The following GSPT1 variants were observed in gnomAD, a reference collection of about 807,000 sequenced individuals.
GSPT1 encodes the protein G1 to S phase transition 1, also known as eukaryotic peptide chain release factor GTP-binding subunit ERF3A.
GSPT1 carries 20 observed loss-of-function variants against 72.5 expected under a neutral mutation model. The observed-to-expected ratio is 0.28, with a 90% confidence interval of 0.19 to 0.40. The LOEUF (loss-of-function observed/expected upper bound fraction) is 0.40. Ranked by LOEUF, GSPT1 falls within the 10% of genes least tolerant of loss-of-function variation. GSPT1 has a pLI of 1.00. For missense variants in GSPT1, 580 were observed against 811.9 expected, an observed-to-expected ratio of 0.71 and a Z score of 3.47; for synonymous variants, 334 against 293.5, an observed-to-expected ratio of 1.14 and a Z score of -1.41.
At chr16:11,882,945 A>C (rs1278100608) in intron 11 of GSPT1, 70 bp downstream of exon 11, 23 of 942,040 alleles carry the variant, frequency 2.4e-5, no homozygotes, top group South Asian at 2.1e-4. Context: ...TGACAGAAGA[A>C]GACCCTATCT....
chr16:11,893,448 C>T (rs2054295200), intron 5 of GSPT1, among the ~76,000 whole-genome samples: 1 of 151,326 alleles, frequency 6.6e-6, no homozygotes. Flanking sequence ...AATAAAATAA[C>T]AAGTAAATGT....
At chr16:11,903,051 G>A (rs1263974472) in intron 1 of GSPT1, among the ~76,000 whole-genome samples, 1 of 151,746 alleles carries the variant, frequency 6.6e-6, no homozygotes. Context: ...AAGGAAACCC[G>A]TATTCATTTA....
chr16:11,895,882 C>A (rs1035538726), intron 4 of GSPT1, among the ~76,000 whole-genome samples: 4 of 152,250 alleles, frequency 2.6e-5, no homozygotes, highest in African/African-American at 9.6e-5. Flanking sequence ...GCCTTGGCCT[C>A]CCAAAGTGCT....
intron 1 of GSPT1, among the ~76,000 whole-genome samples, chr16:11,911,854 A>ACTT (rs1462195027): frequency 2.2e-5 from 1 of 45,384 alleles, no homozygotes; most frequent in African/African-American, 9.2e-5. Context: ...ACCCAGCTGT[A>ACTT]TTTTTTTTTT....
intron 1 of GSPT1, among the ~76,000 whole-genome samples, chr16:11,900,330 CA>C (rs34268463): frequency 1.3e-4 from 19 of 141,936 alleles, no homozygotes; most frequent in Admixed American, 3.5e-4. Flanking sequence ...AACTCCGTCT[CA>C]AAAAAAAAAA....
In GSPT1 at chr16:11,891,110, G is replaced by A. The variant is rs1356536374; in HGVS notation, c.728C>T (p.Thr243Met). 2.7e-6 allele frequency: 4 copies of A among 1,497,496 alleles called. No homozygotes were observed. The highest frequency in any genetic ancestry group is 3.6e-6 in the Non-Finnish European group (4 of 1,110,132). The allele number at this position is 1,497,496 out of a possible 1,614,324, so 92.8% of individuals were successfully genotyped here. Residue 243 changes from threonine to methionine, a missense_variant, in exon 6 of 15, where the codon ACG (threonine) becomes ATG (methionine). Physicochemically the swap from Thr to Met is moderately conservative, Grantham distance 81. Around this residue, in one of 6 missense-constraint regions of GSPT1, gnomAD observed 51 missense variants for 118.2 expected, o/e 0.43. Transcript: ENST00000434724. ...MYLTGMVDKR[T>M]LEKYEREAKE... ...AGCTTCTCTTTCATACTTTTCAAGC[G>A]TCCTTTTGTCAACCATTCCAGTCAA...
rs1370356701 is a variant in GSPT1, at chr16:11,894,941, G to C, written c.698+13C>G. The C allele has an allele frequency of 1.2e-5, 18 of 1,517,656 alleles. No individual in the cohort carries two copies. Among genetic ancestry groups the C allele is most frequent in the Non-Finnish European group, 1.6e-5 (18 of 1,102,156 alleles). The allele number at this position is 1,517,656 out of a possible 1,614,324, so 94.0% of individuals were successfully genotyped here. On this transcript the variant is annotated intron_variant, in intron 5 of 14. Transcript: ENST00000434724. ...AATTTAACTCTGTTATTTAACAAAA[G>C]ATACAGACTTACATTATTTGTCCTC...
chr16:11,880,008 A>T (rs2054102106), intron 11 of GSPT1, among the ~76,000 whole-genome samples: 1 of 152,172 alleles, frequency 6.6e-6, no homozygotes, highest in Non-Finnish European at 1.5e-5. Flanking sequence ...CTCCCCGTTC[A>T]CCCGAACCCT....
At position 11,897,868 on chromosome 16, in the gene GSPT1, A is replaced by G. The variant is rs2054359395; in HGVS notation, c.408T>C (p.Ala136=). Residue 136 remains alanine, a synonymous_variant, in exon 3 of 15, where the codon GCT becomes GCC. Transcript: ENST00000434724. ...EQSLCEGSNS[A]VSMELSEPIV... ...TAGGTTCTGAAAGTTCCATGCTAAC[A>G]GCTGAATTTGAACCTAGACAAGAGA... is the stretch of plus-strand genomic sequence containing the variant. 3.2e-6 allele frequency: 5 copies of G among 1,543,456 alleles called. No homozygotes were observed. In the East Asian group the frequency reaches 1.2e-4, roughly 36 times the overall value.
rs57546698 is a variant in GSPT1, at chr16:11,892,829, CAAAA to C, written c.699-1694_699-1691del. 4.4e-3 allele frequency among the ~76,000 whole-genome samples: 136 copies of C among 31,224 alleles called. 1 individual carries two copies. Among genetic ancestry groups the C allele is most frequent in the Middle Eastern group, 0.033 (1 of 30 alleles). The allele number at this position is 31,224 out of a possible 152,430, so 20.5% of individuals were successfully genotyped here. On this transcript the variant is annotated intron_variant, in intron 5 of 14. Coordinates refer to ENST00000434724, the MANE Select transcript of GSPT1 (RefSeq NM_002094.4). The stretch of plus-strand genomic sequence containing the variant: ...AGCCTGGGCGATAGAGATTCTGTCT[CAAAA>C]AAAAAAAAAAAAAAAAAAAAAAGAA...
chr16:11,893,819 T>C (rs994945977), intron 5 of GSPT1, among the ~76,000 whole-genome samples: 3 of 150,678 alleles, frequency 2.0e-5, no homozygotes, highest in African/African-American at 7.3e-5. Flanking sequence ...TGTCTTAGAG[T>C]CTCTGTTGTG....
chr16:11,891,751 C>T (rs1299424230), intron 5 of GSPT1, among the ~76,000 whole-genome samples: 1 of 151,166 alleles, frequency 6.6e-6, no homozygotes, highest in African/African-American at 2.4e-5. Context: ...CAACTTCCTC[C>T]TCCTGGGTTC....
intron 1 of GSPT1, among the ~76,000 whole-genome samples, chr16:11,904,868 T>C (rs2054468908): frequency 6.6e-6 from 1 of 152,140 alleles, no homozygotes; most frequent in Non-Finnish European, 1.5e-5. Flanking sequence ...GAGGATCACT[T>C]GAGGCCAGGA....
chr16:11,881,263 G>C (rs1261230627), intron 11 of GSPT1: 2 of 152,136 alleles, frequency 1.3e-5, no homozygotes, highest in African/African-American at 2.4e-5. Context: ...ACTGAAGTGA[G>C]TTTTTGAGGC....
chr16:11,910,464 G>A (rs463767), intron 1 of GSPT1, among the ~76,000 whole-genome samples: 9,479 of 152,170 alleles, frequency 0.062, 367 homozygotes, highest in South Asian at 0.16. Flanking sequence ...TCAGTGGACT[G>A]GTAAATGTTT....
chr16:11,884,091 G>A (rs555530359), intron 10 of GSPT1, among the ~76,000 whole-genome samples: 1 of 152,154 alleles, frequency 6.6e-6, no homozygotes. Flanking sequence ...TGTATTTGAG[G>A]AGGGGAAAAC....
At chr16:11,892,091 C>G (rs528946018) in intron 5 of GSPT1, among the ~76,000 whole-genome samples, 1 of 151,928 alleles carries the variant, frequency 6.6e-6, no homozygotes, top group South Asian at 2.1e-4. Context: ...TGCCCGTAAT[C>G]CCAGCACTTT....
At chr16:11,901,190 C>T (rs1228777326) in intron 1 of GSPT1, among the ~76,000 whole-genome samples, 1 of 151,972 alleles carries the variant, frequency 6.6e-6, no homozygotes, top group Non-Finnish European at 1.5e-5. Context: ...TATTTCTACC[C>T]TATCTTCATA....
At chr16:11,889,513 T>C (rs1181210468) in intron 6 of GSPT1, among the ~76,000 whole-genome samples, 2 of 150,198 alleles carry the variant, frequency 1.3e-5, no homozygotes, top group African/African-American at 4.9e-5. Flanking sequence ...ACTTTTTGTA[T>C]ATATATTTTT....
Sources: allele counts gnomAD v4.1 joint callset (sites outside exome capture counted in the v4.1 genomes callset), GRCh38; gene constraint gnomAD v4.1.1; regional missense constraint gnomAD v4.1.1; transcripts MANE v1.5; gene names NCBI Gene and HGNC (gene_info 2026-07-23, HGNC 2026-07-21).